The following CALR variants were observed in gnomAD, a reference collection of about 807,000 sequenced individuals.
CALR encodes the protein calreticulin, also known as CRP55.
Under a neutral mutation model 51.1 loss-of-function variants are expected in CALR, and 15 were observed. That is an observed-to-expected ratio of 0.29 (90% CI 0.20 to 0.45). The LOEUF is 0.45. Among genes scored for constraint, CALR ranks in the 20% least tolerant of loss-of-function variants. The probability of loss-of-function intolerance (pLI) is 1.00; values close to 1 mark genes in which losing one functional copy is unlikely to be tolerated. For missense variants in CALR, 477 were observed against 530.6 expected (o/e 0.90, Z 0.99); for synonymous variants, 239 against 205.9 (o/e 1.16, Z -1.38).
At position 12,940,160 on chromosome 19, in the gene CALR, G is replaced by C. The variant is rs766283469; in HGVS notation, c.492+13G>C. The C allele has an allele frequency of 1.2e-6, 2 of 1,612,942 alleles. No homozygotes were observed. The highest frequency in any genetic ancestry group is 1.7e-6 in the Non-Finnish European group (2 of 1,178,874). ...CATCCGTTGCAAGGTGTGCCTGGGG[G>C]TGGTGGCAAATGGCTGTCATGGGGA... On this transcript the variant is annotated intron_variant, in intron 4 of 8. Coordinates refer to ENST00000316448, the MANE Select transcript of CALR (RefSeq NM_004343.4).
chr19:12,941,855 C>T lies in CALR; in HGVS notation c.960+968C>T, dbSNP rs189543607. ...CTGGCCTCAGGTCATCTGCCCGCCT[C>T]GGCCTCCCAAAGTGCTGGGATTACA... On this transcript the variant is annotated intron_variant, in intron 7 of 8. Coordinates refer to ENST00000316448, the MANE Select transcript of CALR (RefSeq NM_004343.4). Among the ~76,000 whole-genome samples, 415 of 151,636 alleles carry T rather than the reference C, an allele frequency of 2.7e-3. 6 individuals carry two copies. Among genetic ancestry groups the T allele is most frequent in the African/African-American group, 9.8e-3 (407 of 41,374 alleles).
chr19:12,938,806 A>G, intron 1 of CALR, 36 bp downstream of exon 1: 1 of 1,478,706 alleles, frequency 6.8e-7, no homozygotes, highest in Non-Finnish European at 9.4e-7. Context: ...CGCCCCGACG[A>G]CGCGGCCGGC....
chr19:12,940,208 G>A (rs368436434), intron 4 of CALR, 35 bp from the exon 5 acceptor site: 59 of 1,611,900 alleles, frequency 3.7e-5, no homozygotes, highest in Non-Finnish European at 4.6e-5. Flanking sequence ...AGCCTCATTG[G>A]GGGGTGGCCC....
intron 7 of CALR, 73 bp from the exon 8 acceptor site, chr19:12,943,464 A>C: frequency 6.1e-6 from 8 of 1,306,452 alleles, no homozygotes; most frequent in Non-Finnish European, 8.9e-6. Flanking sequence ...TTATAGGAAC[A>C]CAGGTGGAAA....
chr19:12,939,510 G>C lies in CALR; in HGVS notation c.276G>C (p.Val92=), dbSNP rs756133976. ...EPFSNKGQTL[V]VQFTVKHEQN... is the part of the protein sequence containing the mutation. ...TCAGCAACAAAGGCCAGACGCTGGT[G>C]GTGCAGTTCACGGTGAAACATGAGC... Residue 92 remains valine, a synonymous_variant, in exon 3 of 9, where the codon GTG becomes GTC. Transcript: ENST00000316448. 1 of 1,613,402 alleles carries C rather than the reference G, an allele frequency of 6.2e-7. No individual in the cohort carries two copies. Among genetic ancestry groups the C allele is most frequent in the Non-Finnish European group, 8.5e-7 (1 of 1,180,022 alleles).
chr19:12,944,255 C>A lies in CALR; in HGVS notation c.*342C>A. Reference sequence around the variant, plus strand: ...GGCAGTGGTGTGGAGAAGCCACAGGCCTGAGATTTCATCTGCTCTCCTTCC... The same window carrying A: ...GGCAGTGGTGTGGAGAAGCCACAGGACTGAGATTTCATCTGCTCTCCTTCC... On this transcript the variant is annotated 3_prime_UTR_variant, in exon 9 of 9. Transcript: ENST00000316448. 1 of 440,590 alleles carries A rather than the reference C, an allele frequency of 2.3e-6. No homozygotes were observed. The highest frequency in any genetic ancestry group is 4.2e-6 in the Non-Finnish European group (1 of 239,010). The allele number at this position is 440,590 out of a possible 1,614,324, so 27.3% of individuals were successfully genotyped here.
intron 2 of CALR, 43 bp from the exon 3 acceptor site, chr19:12,939,385 C>A (rs750716709): frequency 1.3e-6 from 2 of 1,590,332 alleles, no homozygotes; most frequent in Admixed American, 3.3e-5. Context: ...AGGGTCCTCG[C>A]GAGTCAAGGC....
chr19:12,942,986 C>T (rs1227902667), intron 7 of CALR, among the ~76,000 whole-genome samples: 2 of 151,864 alleles, frequency 1.3e-5, no homozygotes. Flanking sequence ...GAACTCCTGG[C>T]CTCAAGTGAT....
Position 12,944,209 on chromosome 19 carries a change from T to G in CALR, c.*296T>G, listed in dbSNP as rs1803237. On this transcript the variant is annotated 3_prime_UTR_variant, in exon 9 of 9. Transcript: ENST00000316448. Reference sequence around the variant, plus strand: ...GCCTCTGTCCCCTTCTCTCATCTCTTAGCTCCCCTCCAACCTGGGGGGCAG... The same window carrying G: ...GCCTCTGTCCCCTTCTCTCATCTCTGAGCTCCCCTCCAACCTGGGGGGCAG... 1 of 501,854 alleles carries G rather than the reference T, an allele frequency of 2.0e-6. No individual in the cohort carries two copies. Among genetic ancestry groups the G allele is most frequent in the Non-Finnish European group, 3.6e-6 (1 of 278,716 alleles). 31.1% of individuals were successfully genotyped at this position (501,854 alleles called of 1,614,324 possible).
In CALR at chr19:12,943,997, C is replaced by T. The variant is rs534575328; in HGVS notation, c.*84C>T. 1,007 of 1,571,160 alleles carry T rather than the reference C, an allele frequency of 6.4e-4. 6 individuals are homozygous for T. The highest frequency in any genetic ancestry group is 3.6e-3 in the South Asian group (308 of 85,866). The stretch of plus-strand genomic sequence containing the variant: ...CGCCAAATAATGTCTCTGTGAGACT[C>T]GAGAACTTTCATTTTTTTCCAGGCT... On this transcript the variant is annotated 3_prime_UTR_variant, in exon 9 of 9. Coordinates refer to ENST00000316448, the MANE Select transcript of CALR (RefSeq NM_004343.4).
intron 7 of CALR, among the ~76,000 whole-genome samples, chr19:12,941,382 G>A (rs1335540083): frequency 5.3e-5 from 8 of 151,726 alleles, no homozygotes; most frequent in South Asian, 2.1e-4. Flanking sequence ...TGCGCCCTCC[G>A]TCTCCTGGTT....
intron 7 of CALR, among the ~76,000 whole-genome samples, chr19:12,941,794 A>G (rs2146017886): frequency 6.7e-6 from 1 of 150,346 alleles, no homozygotes; most frequent in South Asian, 2.1e-4. Flanking sequence ...TTTTGTAGAG[A>G]CAGGGCTTCA....
intron 7 of CALR, chr19:12,943,326 C>T (rs563541120): frequency 2.7e-5 from 16 of 594,876 alleles, no homozygotes; most frequent in East Asian, 1.5e-4. Context: ...CCTCGTGATC[C>T]GCCCACCTTG....
At chr19:12,939,899 A>G (rs1568448385) in intron 3 of CALR, among the ~76,000 whole-genome samples, 154 bp from the exon 4 acceptor site, 1 of 151,098 alleles carries the variant, frequency 6.6e-6, no homozygotes, top group East Asian at 1.9e-4. Flanking sequence ...GGCTCCACCC[A>G]CAGCCCATTC....
chr19:12,943,856 G>GGAC lies in CALR; in HGVS notation c.1198_1200dup (p.Asp400dup). Reference sequence around the variant, plus strand: ...AAGATGAGGATGAGGAGGATGAGGAGGACAAGGAGGAAGATGAGGAGGAAG... The same window carrying GGAC: ...AAGATGAGGATGAGGAGGATGAGGAGGACGACAAGGAGGAAGATGAGGAGGAAG... On this transcript the variant is annotated inframe_insertion, in exon 9 of 9. Transcript: ENST00000316448. 1 of 1,582,244 alleles carries GGAC rather than the reference G, an allele frequency of 6.3e-7. No homozygotes were observed. The highest frequency in any genetic ancestry group is 8.6e-7 in the Non-Finnish European group (1 of 1,164,108).
chr19:12,939,283 G>A (rs918543137), intron 2 of CALR, 48 bp downstream of exon 2: 1 of 1,464,664 alleles, frequency 6.8e-7, no homozygotes, highest in Admixed American at 1.8e-5. Flanking sequence ...CTTCCTGGCA[G>A]AAGTCCTTGT....
chr19:12,943,077 CTTTTTTTTTTTT>C (rs56396276), intron 7 of CALR: 2 of 77,426 alleles, frequency 2.6e-5, no homozygotes, highest in Non-Finnish European at 4.5e-5. Context: ...ATCTTTCCAT[CTTTTTTTTTTTT>C]TTTTTTTTTT....
At position 12,943,922 on chromosome 19, in the gene CALR, G is replaced by A; in HGVS notation, c.*9G>A. ...CCAAGGACGAGCTGTAGAGAGGCCT[G>A]CCTCCAGGGCTGGACTGAGGCCTGA... On this transcript the variant is annotated 3_prime_UTR_variant, in exon 9 of 9. Coordinates refer to ENST00000316448, the MANE Select transcript of CALR (RefSeq NM_004343.4). 1 of 1,603,538 alleles carries A rather than the reference G, an allele frequency of 6.2e-7. No individual in the cohort carries two copies. Among genetic ancestry groups the A allele is most frequent in the East Asian group, 2.2e-5 (1 of 44,580 alleles).
intron 7 of CALR, among the ~76,000 whole-genome samples, chr19:12,941,572 G>T (rs534131353): frequency 2.0e-5 from 3 of 149,634 alleles, no homozygotes; most frequent in Non-Finnish European, 4.4e-5. Flanking sequence ...GACCCCCCAG[G>T]TTCACTCCAT....
Sources: allele counts gnomAD v4.1 joint callset (sites outside exome capture counted in the v4.1 genomes callset), GRCh38; gene constraint gnomAD v4.1.1; transcripts MANE v1.5; gene names NCBI Gene and HGNC (gene_info 2026-07-23, HGNC 2026-07-21).